The following TTC6 variants were observed in gnomAD, a reference collection of about 807,000 sequenced individuals.
TTC6 encodes the protein tetratricopeptide repeat domain 6, also known as tetratricopeptide repeat protein 6.
TTC6 carries 172 observed loss-of-function variants against 210.4 expected under a neutral mutation model. The observed-to-expected ratio is 0.82, with a 90% CI of 0.72 to 0.93. The LOEUF (loss-of-function observed/expected upper bound fraction) is 0.93. Among genes scored for constraint, TTC6 ranks in the 40% least tolerant of loss-of-function variants. The pLI is 0.00. For synonymous variants in TTC6, 804 were observed against 819.6 expected (o/e 0.98, Z 0.32); for missense variants, 2,414 against 2,318.1 (o/e 1.04, Z -0.85).
intron 16 of TTC6, 98 bp from the exon 19 acceptor site, chr14:37,792,166 T>G: frequency 2.1e-6 from 2 of 937,698 alleles, no homozygotes; most frequent in Non-Finnish European, 3.0e-6. Context: ...CTCTGATGAA[T>G]ACTGATGCAT....
At chr14:37,771,199 G>A (rs2096017297) in intron 14 of TTC6, among the ~76,000 whole-genome samples, 1 of 152,102 alleles carries the variant, frequency 6.6e-6, no homozygotes, top group Admixed American at 6.6e-5. Context: ...GCTTCCCTTT[G>A]AGGGTAACCC....
chr14:37,679,875 A>G (rs369676349), intron 1 of TTC6, among the ~76,000 whole-genome samples: 1 of 151,870 alleles, frequency 6.6e-6, no homozygotes, highest in Non-Finnish European at 1.5e-5. Context: ...TTTTTACTAG[A>G]GTTGGGGTTT....
chr14:37,661,622 C>G (rs2095737561), intron 1 of TTC6, among the ~76,000 whole-genome samples: 1 of 152,140 alleles, frequency 6.6e-6, no homozygotes, highest in African/African-American at 2.4e-5. Context: ...CAGCTTTGTT[C>G]TTTTCTCTTA....
At chr14:37,779,032 T>C (rs2096046751) in intron 14 of TTC6, among the ~76,000 whole-genome samples, 1 of 152,072 alleles carries the variant, frequency 6.6e-6, no homozygotes, top group Non-Finnish European at 1.5e-5. Flanking sequence ...CCACCACCTT[T>C]CTAAGAAGCT....
At chr14:37,834,749 G>A (rs570628368) in intron 29 of TTC6, among the ~76,000 whole-genome samples, 6 of 152,176 alleles carry the variant, frequency 3.9e-5, no homozygotes, top group Admixed American at 3.9e-4. Context: ...GCTTTTTCAT[G>A]TTTCTTGTGT....
Position 37,682,741 on chromosome 14 carries a change from T to C in TTC6, c.1051-17T>C. On this transcript the variant is annotated splice_polypyrimidine_tract_variant and intron_variant, in intron 2 of 30. Coordinates refer to ENST00000553443, the Ensembl canonical transcript of TTC6. ...AATAAAAAAAAAGCATTCTTGCACA[T>C]TTACTTTTTCCAACAGAGCGTGCAT... The C allele has an allele frequency of 6.5e-7, 1 of 1,532,812 alleles. No homozygotes were observed. The highest frequency in any genetic ancestry group is 8.7e-7 in the Non-Finnish European group (1 of 1,144,824). 95.0% of individuals were successfully genotyped at this position (1,532,812 alleles called of 1,614,324 possible). A position where few individuals can be genotyped will look rare whatever the true frequency, so the allele number is the denominator to read the frequency against.
chr14:37,810,355 C>T (rs974693496), intron 24 of TTC6, among the ~76,000 whole-genome samples: 31 of 152,138 alleles, frequency 2.0e-4, no homozygotes, highest in Admixed American at 1.1e-3. Flanking sequence ...CTCAGATATG[C>T]GAAAGAGCCA....
intron 6 of TTC6, among the ~76,000 whole-genome samples, chr14:37,719,556 T>C (rs757635738): frequency 2.0e-5 from 3 of 152,118 alleles, no homozygotes; most frequent in Non-Finnish European, 4.4e-5. Context: ...CCTACAGATA[T>C]GCACAACTGA....
rs540372696 is a variant in TTC6, at chr14:37,787,577, C to T, written c.3376C>T (p.Arg1126Ter). ...TAATAACTGGTTAGCGTTGTATTAT[C>T]GAGGTTGCTTATTCAGAAAGAGTAA... Residue 1126 changes from arginine to a stop codon, truncating the protein, a stop_gained, in exon 15 of 31, where the codon CGA (arginine) becomes TGA (stop). Transcript: ENST00000553443. LOFTEE classifies it high-confidence loss of function. 25 of 1,524,636 alleles carry T rather than the reference C, an allele frequency of 1.6e-5. No individual in the cohort carries two copies. The African/African-American group carries it at 2.2e-4, about 13-fold the overall frequency. 94.4% of individuals were successfully genotyped at this position (1,524,636 alleles called of 1,614,324 possible).
intron 6 of TTC6, among the ~76,000 whole-genome samples, chr14:37,723,041 ATACAGTAC>A (rs2138818378): frequency 6.6e-6 from 1 of 152,268 alleles, no homozygotes; most frequent in South Asian, 2.1e-4. Flanking sequence ...TTGAGTTGTA[ATACAGTAC>A]TACATTATTA....
intron 1 of TTC6, among the ~76,000 whole-genome samples, chr14:37,672,805 T>G (rs1178616608): frequency 6.6e-6 from 1 of 150,786 alleles, no homozygotes; most frequent in Non-Finnish European, 1.5e-5. Flanking sequence ...TTAAGCAAGC[T>G]TTTCATGAAT....
At chr14:37,756,815 T>G (rs2095969255) in intron 14 of TTC6, among the ~76,000 whole-genome samples, 1 of 152,148 alleles carries the variant, frequency 6.6e-6, no homozygotes. Context: ...TTTCTTTTTT[T>G]TTGTTGTGTC....
chr14:37,756,338 A>T (rs2139069041), intron 14 of TTC6, among the ~76,000 whole-genome samples: 1 of 152,266 alleles, frequency 6.6e-6, no homozygotes, highest in African/African-American at 2.4e-5. Context: ...AATATGCTTT[A>T]TTCCTTTCTC....
At chr14:37,816,392 TG>T (rs1224425100) in intron 25 of TTC6, among the ~76,000 whole-genome samples, 1 of 151,420 alleles carries the variant, frequency 6.6e-6, no homozygotes, top group African/African-American at 2.4e-5. Flanking sequence ...AGAGAGAGAG[TG>T]TGGGCTTTGA....
Position 37,683,076 on chromosome 14 carries a change from A to C in TTC6, c.1257+112A>C, listed in dbSNP as rs1215711107. On this transcript the variant is annotated intron_variant, in intron 3 of 30. Coordinates refer to ENST00000553443, the Ensembl canonical transcript of TTC6. ...ACGTATGGGGCTGGGGGCGGGGGTG[A>C]TGGTGTGTTCACTCTGAAAAGGGGG... is the stretch of plus-strand genomic sequence containing the variant. The C allele has an allele frequency of 5.6e-6, 5 of 887,812 alleles. No individual in the cohort carries two copies. In the African/African-American group the frequency reaches 8.4e-5, roughly 15 times the overall value. 55.0% of individuals were successfully genotyped at this position (887,812 alleles called of 1,614,324 possible). A position where few individuals can be genotyped will look rare whatever the true frequency, so the allele number is the denominator to read the frequency against.
intron 14 of TTC6, among the ~76,000 whole-genome samples, chr14:37,778,217 G>T (rs1260748313): frequency 6.6e-6 from 1 of 152,260 alleles, no homozygotes; most frequent in Admixed American, 6.5e-5. Context: ...GCAGCGTTAG[G>T]GGTGACAGGG....
chr14:37,790,701 T>C lies in TTC6; in HGVS notation c.3437-16T>C. ...TTTAGAACCTGAATGAAATACATTT[T>C]TTTAAACTTTTTAAGCACTCATAAA... is the stretch of plus-strand genomic sequence containing the variant. On this transcript the variant is annotated splice_polypyrimidine_tract_variant and intron_variant, in intron 15 of 30. Coordinates refer to ENST00000553443, the Ensembl canonical transcript of TTC6. The C allele has an allele frequency of 2.0e-6, 3 of 1,526,952 alleles. No homozygotes were observed. The highest frequency in any genetic ancestry group is 2.6e-6 in the Non-Finnish European group (3 of 1,140,302). 94.6% of individuals were successfully genotyped at this position (1,526,952 alleles called of 1,614,324 possible).
upstream of TTC6, among the ~76,000 whole-genome samples, chr14:37,617,577 ACT>A (rs991767794): frequency 1.6e-4 from 25 of 152,176 alleles, 1 homozygote; most frequent in African/African-American, 5.5e-4. Context: ...AAAAAAAATC[ACT>A]GTTTTCCCAT....
At chr14:37,839,379 C>T (rs541360329) in intron 29 of TTC6, among the ~76,000 whole-genome samples, 2 of 152,208 alleles carry the variant, frequency 1.3e-5, no homozygotes, top group Non-Finnish European at 1.5e-5. Context: ...TTTTGATTTG[C>T]GTTTCTCTAA....
Sources: gnomAD v4.1 joint callset for allele counts (sites outside exome capture counted in the v4.1 genomes callset) on GRCh38, gnomAD v4.1.1 for gene constraint, MANE v1.5 for transcripts, NCBI Gene and HGNC (gene_info 2026-07-23, HGNC 2026-07-21) for gene names.